PLAUR: variants seen among roughly 807,000 people sequenced by gnomAD.
PLAUR encodes plasminogen activator, urokinase receptor.
A neutral mutation model predicts 33.4 loss-of-function variants in PLAUR; 22 were observed. The observed-to-expected ratio is 0.66, with a 90% CI of 0.47 to 0.94. PLAUR has a LOEUF of 0.94. Ranked by LOEUF, PLAUR falls within the 40% of genes least tolerant of loss-of-function variation. The pLI, the probability that PLAUR is intolerant of heterozygous loss-of-function variation, is 0.00. For missense variants in PLAUR, 408 were observed against 434.7 expected, an observed-to-expected ratio of 0.94 and a Z score of 0.55; for synonymous variants, 148 against 167.3, an observed-to-expected ratio of 0.88 and a Z score of 0.89.
chr19:43,653,087 A>G (rs1412946373), intron 5 of PLAUR, among the ~76,000 whole-genome samples: 1 of 152,174 alleles, frequency 6.6e-6, no homozygotes, highest in Non-Finnish European at 1.5e-5. Flanking sequence ...TGCTGGGATT[A>G]CAGGTGTGAG....
intron 5 of PLAUR, 68 bp downstream of exon 5, chr19:43,655,371 C>A (rs1228083458): frequency 6.5e-7 from 1 of 1,527,674 alleles, no homozygotes; most frequent in Non-Finnish European, 9.0e-7. Flanking sequence ...AGAGTGACTG[C>A]GCAGCTGTCT....
intron 3 of PLAUR, among the ~76,000 whole-genome samples, chr19:43,661,960 G>A (rs1305814000): frequency 6.6e-6 from 1 of 152,010 alleles, no homozygotes; most frequent in African/African-American, 2.4e-5. Context: ...TCCAACTCCT[G>A]GGATCAAGCA....
chr19:43,652,409 T>C (rs777577944), intron 5 of PLAUR, 38 bp from the exon 6 acceptor site: 4 of 1,599,342 alleles, frequency 2.5e-6, no homozygotes, highest in Admixed American at 1.7e-5. Flanking sequence ...CCAAGAAAAT[T>C]AGTGCTTGGA....
chr19:43,667,413 C>G, intron 2 of PLAUR, 168 bp downstream of exon 2: 1 of 617,490 alleles, frequency 1.6e-6, no homozygotes, highest in Non-Finnish European at 2.9e-6. Flanking sequence ...CTTACTAACC[C>G]GGGTATTGTC....
rs781086671 is a variant in PLAUR at position 43,648,987 on chromosome 19, C to A, written c.911G>T (p.Ser304Ile). 2 of 1,614,154 alleles carry A rather than the reference C, an allele frequency of 1.2e-6. No homozygotes were observed. The highest frequency in any genetic ancestry group is 8.5e-7 in the Non-Finnish European group (1 of 1,180,028). Residue 304 changes from serine (S) to isoleucine (I), a missense_variant, in exon 7 of 7, where the codon AGT becomes ATT. By Grantham distance (142) the Ser-to-Ile change is moderately radical. Coordinates refer to ENST00000340093, the MANE Select transcript of PLAUR (RefSeq NM_002659.4). Reference protein sequence around the residue: ...NHPDLDVQYRSGAAPQPGPAH... With the variant: ...NHPDLDVQYRIGAAPQPGPAH... ...AGGGCCAGGCTGAGGAGCAGCCCCA[C>A]TGCGGTACTGGACATCCAGGTCTGG...
intron 3 of PLAUR, among the ~76,000 whole-genome samples, chr19:43,658,926 C>A (rs1352844905): frequency 1.3e-5 from 2 of 152,112 alleles, no homozygotes; most frequent in Non-Finnish European, 2.9e-5. Context: ...AACACCTTTT[C>A]CTTGAGCCCT....
chr19:43,659,167 C>CTTTTTTTT (rs3052823), intron 3 of PLAUR, among the ~76,000 whole-genome samples: 34,663 of 97,104 alleles, frequency 0.36, 8,175 homozygotes, highest in Non-Finnish European at 0.4. Flanking sequence ...CTTTTCTTTT[C>CTTTTTTTT]TTTTTTTTTT....
At chr19:43,663,269 ACTGT>A (rs921826291) in intron 3 of PLAUR, among the ~76,000 whole-genome samples, 4 of 150,140 alleles carry the variant, frequency 2.7e-5, no homozygotes, top group African/African-American at 7.4e-5. Context: ...ATAATCAGTC[ACTGT>A]CTGGTGATGG....
chr19:43,661,631 G>A (rs4251845), intron 3 of PLAUR: 15,703 of 152,176 alleles, frequency 0.1, 879 homozygotes, highest in East Asian at 0.23. Context: ...TCATGAGCTC[G>A]AGCAATTCAC....
intron 6 of PLAUR, chr19:43,651,705 C>T (rs1568552020): frequency 8.1e-6 from 5 of 617,644 alleles, no homozygotes; most frequent in Non-Finnish European, 1.0e-5. Flanking sequence ...CAAGGTGTTG[C>T]AATTACAGGC....
chr19:43,669,554 G>A (rs1264858106), intron 1 of PLAUR, among the ~76,000 whole-genome samples: 2 of 152,018 alleles, frequency 1.3e-5, no homozygotes, highest in African/African-American at 4.8e-5. Context: ...GCTCACGCCT[G>A]TAATCCCAGC....
chr19:43,664,166 A>G (rs563868239), intron 3 of PLAUR, among the ~76,000 whole-genome samples: 1 of 152,018 alleles, frequency 6.6e-6, no homozygotes, highest in South Asian at 2.1e-4. Context: ...CACTTCCTCA[A>G]AACAAACATC....
rs3052823 is a variant in PLAUR at position 43,659,167 on chromosome 19, C to CTTTTTTTTTTTTTTTTTTTTTTTTT, written c.311-2528_311-2527insAAAAAAAAAAAAAAAAAAAAAAAAA. ...GCTATTTTCCTTTTTCTTTTCTTTT[C>CTTTTTTTTTTTTTTTTTTTTTTTTT]TTTTTTTTTTTTTTTGAGATAGGGT... On this transcript the variant is annotated intron_variant, in intron 3 of 6. Transcript: ENST00000340093. Among the ~76,000 whole-genome samples, 63 of 97,094 alleles carry CTTTTTTTTTTTTTTTTTTTTTTTTT rather than the reference C, an allele frequency of 6.5e-4. 3 individuals are homozygous for CTTTTTTTTTTTTTTTTTTTTTTTTT. Among genetic ancestry groups the CTTTTTTTTTTTTTTTTTTTTTTTTT allele is most frequent in the Non-Finnish European group, 9.6e-4 (50 of 52,274 alleles). The allele number at this position is 97,094 out of a possible 152,430, so 63.7% of individuals were successfully genotyped here. A position where few individuals can be genotyped will look rare whatever the true frequency, so the allele number is the denominator to read the frequency against.
downstream of PLAUR, chr19:43,646,548 T>C (rs751812356): frequency 4.2e-6 from 3 of 717,290 alleles, no homozygotes; most frequent in African/African-American, 5.2e-5. Flanking sequence ...GAGTGAGCGT[T>C]CTAAGATTCA....
chr19:43,666,118 G>C (rs944990781), intron 2 of PLAUR, among the ~76,000 whole-genome samples: 8 of 151,608 alleles, frequency 5.3e-5, no homozygotes, highest in African/African-American at 1.9e-4. Context: ...TGTTGTCCCA[G>C]CTGGGGCAAT....
chr19:43,652,482 AC>A, intron 5 of PLAUR, 111 bp from the exon 6 acceptor site: 1 of 1,067,404 alleles, frequency 9.4e-7, no homozygotes, highest in Non-Finnish European at 1.4e-6. Flanking sequence ...TCATGGAGCC[AC>A]CTTGTGGTCA....
chr19:43,657,044 A>T (rs1308122844), intron 3 of PLAUR, among the ~76,000 whole-genome samples: 3 of 151,676 alleles, frequency 2.0e-5, no homozygotes, highest in Non-Finnish European at 4.4e-5. Context: ...CCCGGGTTCA[A>T]GTGATTCTCC....
rs1016518900 is a variant in PLAUR at position 43,661,784 on chromosome 19, G to C, written c.310+3532C>G. Among the ~76,000 whole-genome samples, 10 of 152,294 alleles carry C rather than the reference G, an allele frequency of 6.6e-5. No individual in the cohort carries two copies. The South Asian group carries it at 2.1e-3, about 32-fold the overall frequency. On this transcript the variant is annotated intron_variant, in intron 3 of 6. Transcript: ENST00000340093. ...CATTTGCAACTGTCATTGGCAGAAG[G>C]GTTGGTCTGATACAAGTGACTCCAT...
chr19:43,650,008 C>CTT (rs200384971), intron 6 of PLAUR, among the ~76,000 whole-genome samples: 4,978 of 136,692 alleles, frequency 0.036, 130 homozygotes, highest in Middle Eastern at 0.1. Context: ...TCTCATTACG[C>CTT]TTTTTTTTTG....
Sources: gnomAD v4.1 joint callset for allele counts (sites outside exome capture counted in the v4.1 genomes callset) on GRCh38, gnomAD v4.1.1 for gene constraint, MANE v1.5 for transcripts, NCBI Gene and HGNC (gene_info 2026-07-23, HGNC 2026-07-21) for gene names.